Variants in SRR observed in about 807,000 individuals in gnomAD.
SRR encodes the protein D-serine ammonia-lyase.
Under a neutral mutation model 32.7 loss-of-function variants are expected in SRR, and 19 were observed. The ratio of observed to expected loss-of-function variants is 0.58; its 90% CI spans 0.40 to 0.85. The LOEUF (loss-of-function observed/expected upper bound fraction) is 0.85. Ranked by LOEUF, SRR falls within the 40% of genes least tolerant of loss-of-function variation. The pLI, the probability that SRR is intolerant of heterozygous loss-of-function variation, is 0.00. For synonymous variants in SRR, 142 were observed against 140.9 expected (o/e 1.01, Z -0.06); for missense variants, 373 against 404.7 (o/e 0.92, Z 0.67).
At chr17:2,318,404 C>T (rs2075495612) in intron 3 of SRR, among the ~76,000 whole-genome samples, 1 of 151,986 alleles carries the variant, frequency 6.6e-6, no homozygotes, top group African/African-American at 2.4e-5. Flanking sequence ...CCCGCCTTGG[C>T]CTCCCAAAGT....
At chr17:2,306,538 G>A (rs1243819415) in intron 1 of SRR, among the ~76,000 whole-genome samples, 13 of 152,064 alleles carry the variant, frequency 8.5e-5, no homozygotes, top group African/African-American at 1.9e-4. Context: ...CCAACATGGC[G>A]AAACCCCGTC....
Position 2,324,957 on chromosome 17 carries a change from A to T in SRR, c.*1084A>T. On this transcript the variant is annotated 3_prime_UTR_variant, in exon 8 of 8. Transcript: ENST00000344595. ...CCCTGCCCTAGCCCAATCTGAGGCT[A>T]AGATTGGTAAACTGTAAGCCCACAC... 9.5e-7 allele frequency: 1 copy of T among 1,058,068 alleles called. No individual in the cohort carries two copies. 65.5% of individuals were successfully genotyped at this position (1,058,068 alleles called of 1,614,324 possible).
At chr17:2,322,875 C>G (rs1334104239) in intron 6 of SRR, 7 of 419,080 alleles carry the variant, frequency 1.7e-5, no homozygotes, top group African/African-American at 6.1e-5. Context: ...AGTGATTCTC[C>G]TACCTCAGCC....
chr17:2,315,235 C>T lies in SRR; in HGVS notation c.-4-322C>T, dbSNP rs551919668. On this transcript the variant is annotated intron_variant, in intron 1 of 7. Transcript: ENST00000344595. Reference sequence around the variant, plus strand: ...CAGCCTGGGCTACAGAGCGAGACTCCGTCTCAAAAAAAAAAAAAAAAAAAG... The same window carrying T: ...CAGCCTGGGCTACAGAGCGAGACTCTGTCTCAAAAAAAAAAAAAAAAAAAG... 53 of 157,450 alleles carry T rather than the reference C, an allele frequency of 3.4e-4. 1 individual carries two copies. The highest frequency in any genetic ancestry group is 2.2e-3 in the South Asian group (11 of 4,980). 9.8% of individuals were successfully genotyped at this position (157,450 alleles called of 1,614,324 possible). A position where few individuals can be genotyped will look rare whatever the true frequency, so the allele number is the denominator to read the frequency against.
At chr17:2,318,798 A>G (rs752372296) in intron 3 of SRR, 28 bp from the exon 4 acceptor site, 18 of 1,558,972 alleles carry the variant, frequency 1.2e-5, no homozygotes, top group Admixed American at 1.7e-5. Context: ...AATTCTCCTG[A>G]CTTTTTCCTC....
chr17:2,306,756 C>T (rs369901512), intron 1 of SRR: 79 of 623,896 alleles, frequency 1.3e-4, no homozygotes, highest in East Asian at 6.1e-4. Flanking sequence ...CCATGGACAC[C>T]GCCAAGTCTA....
chr17:2,317,959 C>A lies in SRR; in HGVS notation c.258C>A (p.Asn86Lys), dbSNP rs1310319693. 38 of 1,613,884 alleles carry A rather than the reference C, an allele frequency of 2.4e-5. No individual in the cohort carries two copies. Among genetic ancestry groups the A allele is most frequent in the Non-Finnish European group, 3.1e-5 (37 of 1,179,912 alleles). ...CTGTTGTTACTCACAGCAGTGGAAA[C>A]CATGGCCAGGCTCTCACCTATGCTG... Reference protein sequence around the residue: ...PKAVVTHSSGNHGQALTYAAK... With the variant: ...PKAVVTHSSGKHGQALTYAAK... The change falls in exon 3 of 8, where the codon AAC becomes AAA. Residue 86 changes from asparagine to lysine, a missense_variant. By Grantham distance (94) the Asn-to-Lys change is moderately conservative. Coordinates refer to ENST00000344595, the MANE Select transcript of SRR (RefSeq NM_021947.3).
intron 6 of SRR, chr17:2,322,632 C>T (rs960186152): frequency 3.2e-5 from 5 of 155,302 alleles, no homozygotes; most frequent in African/African-American, 1.2e-4. Flanking sequence ...TCCCGAGTAG[C>T]TGGGACTACA....
chr17:2,317,779 G>T, intron 2 of SRR, 91 bp from the exon 3 acceptor site: 1 of 1,328,062 alleles, frequency 7.5e-7, no homozygotes, highest in Non-Finnish European at 1.1e-6. Context: ...GATTGGATGT[G>T]CATGTTAAGG....
chr17:2,303,787 G>A, upstream of SRR: 2 of 1,330,824 alleles, frequency 1.5e-6, no homozygotes, highest in South Asian at 1.4e-5. Flanking sequence ...AACCACCACA[G>A]ACGGGCGGCG....
chr17:2,317,201 TC>T (rs2075481022), intron 2 of SRR, among the ~76,000 whole-genome samples: 1 of 80,650 alleles, frequency 1.2e-5, no homozygotes, highest in Admixed American at 1.7e-4. Flanking sequence ...AGACTCCATC[TC>T]GGGGGAAAAA....
Position 2,324,879 on chromosome 17 carries a change from T to G in SRR, c.*1006T>G. On this transcript the variant is annotated 3_prime_UTR_variant, in exon 8 of 8. Transcript: ENST00000344595. ...ATTTAGGAATTTACAGGCCAAAGTC[T>G]TCATTTATTGCCCAGTCCATTTAAA... The G allele has an allele frequency of 6.4e-7, 1 of 1,570,620 alleles. No individual in the cohort carries two copies. Among genetic ancestry groups the G allele is most frequent in the East Asian group, 2.2e-5 (1 of 44,644 alleles).
chr17:2,303,732 C>G, upstream of SRR: 1 of 1,489,484 alleles, frequency 6.7e-7, no homozygotes, highest in Non-Finnish European at 8.9e-7. Context: ...TTCGCGGCTG[C>G]TGCTACAGCC....
chr17:2,311,563 C>T (rs2075434064), intron 1 of SRR, among the ~76,000 whole-genome samples: 1 of 152,068 alleles, frequency 6.6e-6, no homozygotes, highest in Admixed American at 6.6e-5. Flanking sequence ...ATTGCCTGAG[C>T]CTGGGAGGCA....
At chr17:2,313,847 C>T (rs941803647) in intron 1 of SRR, among the ~76,000 whole-genome samples, 2 of 152,194 alleles carry the variant, frequency 1.3e-5, no homozygotes, top group African/African-American at 4.8e-5. Flanking sequence ...AGAGTTTTGT[C>T]TGCATATGTA....
rs1013199457 is a variant in SRR, at chr17:2,315,610, T to C, written c.50T>C (p.Ile17Thr). Residue 17 changes from isoleucine (I) to threonine (T), a missense_variant, in exon 2 of 8, where the codon ATC becomes ACC. Coordinates refer to ENST00000344595, the MANE Select transcript of SRR (RefSeq NM_021947.3). The stretch of plus-strand genomic sequence containing the variant: ...TTTGCTGATGTTGAAAAAGCTCATA[T>C]CAACATTCGAGATTCTATCCACCTC... ...ISFADVEKAH[I>T]NIRDSIHLTP... 1.9e-6 allele frequency: 3 copies of C among 1,614,116 alleles called. No homozygotes were observed. The highest frequency in any genetic ancestry group is 2.2e-5 in the South Asian group (2 of 91,064).
At chr17:2,306,707 ACT>A (rs2075393370) in intron 1 of SRR, 1 of 521,214 alleles carries the variant, frequency 1.9e-6, no homozygotes, top group African/African-American at 1.9e-5. Context: ...ACAGATAGAG[ACT>A]CTGTCTCAAA....
At position 2,318,903 on chromosome 17, in the gene SRR, A is replaced by G. The variant is rs539383715; in HGVS notation, c.373A>G (p.Ile125Val). 12 of 1,613,556 alleles carry G rather than the reference A, an allele frequency of 7.4e-6. No homozygotes were observed. The highest frequency in any genetic ancestry group is 4.5e-5 in the East Asian group (2 of 44,882). Residue 125 changes from isoleucine (I) to valine (V), a missense_variant, in exon 4 of 8, where the codon ATT (isoleucine) becomes GTT (valine). By Grantham distance (29) the Ile-to-Val change is conservative. Coordinates refer to ENST00000344595, the MANE Select transcript of SRR (RefSeq NM_021947.3). ...KLAIQAYGASIVYCEPSDESR... is the reference protein window; with the variant it reads ...KLAIQAYGASVVYCEPSDESR... ...TGCAATACAAGCCTACGGAGCGTCA[A>G]TTGTATACTGTGAACCTAGTGATGA...
chr17:2,307,690 G>GT (rs1173239587), intron 1 of SRR: 1 of 1,012,840 alleles, frequency 9.9e-7, no homozygotes, highest in Non-Finnish European at 1.5e-6. Flanking sequence ...AGTAGCAGCA[G>GT]TAGCTATGGC....
Sources: gnomAD v4.1 joint callset for allele counts (sites outside exome capture counted in the v4.1 genomes callset) on GRCh38, gnomAD v4.1.1 for gene constraint, MANE v1.5 for transcripts, NCBI Gene and HGNC (gene_info 2026-07-23, HGNC 2026-07-21) for gene names.